ALDH1L2: variants seen among roughly 807,000 people sequenced by gnomAD.
ALDH1L2 encodes the protein aldehyde dehydrogenase 1 family member L2.
ALDH1L2 carries 91 observed loss-of-function variants against 111.0 expected under a neutral mutation model. The ratio of observed to expected loss-of-function variants is 0.82; its 90% CI spans 0.69 to 0.98. The LOEUF (loss-of-function observed/expected upper bound fraction) is 0.98, where lower values mean the gene tolerates loss of function less well. ALDH1L2 is among the 50% of genes least tolerant of loss of function. ALDH1L2 has a pLI of 0.00. For missense variants in ALDH1L2, 995 were observed against 1,126.8 expected, an observed-to-expected ratio of 0.88 and a Z score of 1.67; for synonymous variants, 374 against 392.6, an observed-to-expected ratio of 0.95 and a Z score of 0.56.
At chr12:105,034,272 AC>A in intron 19 of ALDH1L2, 27 bp downstream of exon 19, 1 of 1,607,470 alleles carries the variant, frequency 6.2e-7, no homozygotes, top group Non-Finnish European at 8.5e-7. Flanking sequence ...TCTCTAAACA[AC>A]TCAGAGTAAA....
chr12:105,055,258 G>A (rs961249056), intron 10 of ALDH1L2, among the ~76,000 whole-genome samples: 3 of 152,164 alleles, frequency 2.0e-5, no homozygotes, highest in African/African-American at 7.2e-5. Flanking sequence ...AATGCTGGGA[G>A]ACTTATTGGC....
chr12:105,032,017 G>A, intron 19 of ALDH1L2, 83 bp from the exon 20 acceptor site: 2 of 1,442,090 alleles, frequency 1.4e-6, no homozygotes, highest in Non-Finnish European at 1.9e-6. Flanking sequence ...TTATACTAAG[G>A]TGTTTATAGA....
At chr12:105,069,985 T>C (rs919440760) in intron 3 of ALDH1L2, among the ~76,000 whole-genome samples, 2 of 152,238 alleles carry the variant, frequency 1.3e-5, no homozygotes, top group Non-Finnish European at 2.9e-5. Context: ...TTTCAAGTAA[T>C]TCAGCATTTC....
chr12:105,062,935 G>A lies in ALDH1L2; in HGVS notation c.874C>T (p.Leu292Phe). The A allele has an allele frequency of 6.2e-7, 1 of 1,613,996 alleles. No homozygotes were observed. The highest frequency in any genetic ancestry group is 8.5e-7 in the Non-Finnish European group (1 of 1,179,960). ...LEIKGAKKPG[L>F]VTKNGLVLFG... ...AGAACAAGTCCATTTTTGGTAACGA[G>A]ACCAGGCTTCTTGGCACCTTTAATT... The change falls in exon 7 of 23, where the codon CTC (leucine) becomes TTC (phenylalanine). Residue 292 changes from leucine (L) to phenylalanine (F), a missense_variant. Physicochemically the swap from Leu to Phe is conservative, Grantham distance 22. Transcript: ENST00000258494.
At position 105,052,836 on chromosome 12, in the gene ALDH1L2, G is replaced by A; in HGVS notation, c.1383C>T (p.Asp461=). 6.2e-7 allele frequency: 1 copy of A among 1,614,136 alleles called. No homozygotes were observed. The highest frequency in any genetic ancestry group is 8.5e-7 in the Non-Finnish European group (1 of 1,179,996). The change falls in exon 11 of 23, where the codon GAC becomes GAT. Residue 461 remains aspartate, a synonymous_variant. Coordinates refer to ENST00000258494, the MANE Select transcript of ALDH1L2 (RefSeq NM_001034173.4). ...CAGATCCATCTGTTGGGTTGATAGT[G>A]TCGTAAGTCTTTCCATCGTCTGCAT... The part of the protein sequence containing the change: ...FTDADDGKTY[D]TINPTDGSTI...
In ALDH1L2 at chr12:105,078,233, G is replaced by A. The variant is rs547354005; in HGVS notation, c.49-4228C>T. ...AACTCAGGAGGTTTGGCTGGGTGCCGATCACCTGAGGTCAGGAGTTCAAGA... is the reference window on the plus strand; with the variant it reads ...AACTCAGGAGGTTTGGCTGGGTGCCAATCACCTGAGGTCAGGAGTTCAAGA... On this transcript the variant is annotated intron_variant, in intron 1 of 22. Coordinates refer to ENST00000258494, the MANE Select transcript of ALDH1L2 (RefSeq NM_001034173.4). Among the ~76,000 whole-genome samples the A allele has an allele frequency of 3.3e-5, 5 of 152,172 alleles. No homozygotes were observed. The South Asian group carries it at 6.2e-4, about 19-fold the overall frequency.
intron 1 of ALDH1L2, among the ~76,000 whole-genome samples, chr12:105,077,274 C>CT (rs201979000): frequency 0.023 from 3,289 of 142,410 alleles, 75 homozygotes; most frequent in East Asian, 0.055. Context: ...TTTCTTTTTT[C>CT]TTTTTTTTTT....
chr12:105,053,074 T>A, intron 10 of ALDH1L2, 143 bp from the exon 11 acceptor site: 1 of 1,047,380 alleles, frequency 9.5e-7, no homozygotes, highest in Non-Finnish European at 1.4e-6. Context: ...CATGCATATG[T>A]GAGATTTGGG....
chr12:105,059,277 AAT>A (rs1876838282), intron 9 of ALDH1L2, among the ~76,000 whole-genome samples: 1 of 11,196 alleles, frequency 8.9e-5, no homozygotes, highest in South Asian at 5.0e-3. Context: ...AAATAATAAT[AAT>A]AATAATAATA....
rs369503759 is a variant in ALDH1L2 at position 105,031,854 on chromosome 12, A to G, written c.2325T>C (p.His775=). ...TDHGPQNHKA[H]LEKLLQYCET... ...CACAGTATTGCAGCAGCTTTTCCAG[A>G]TGAGCCTTATGATTTTGGGGCCCAT... The change falls in exon 20 of 23, where the codon CAT becomes CAC. Residue 775 remains histidine, a synonymous_variant. Transcript: ENST00000258494. The G allele has an allele frequency of 1.7e-4, 274 of 1,614,010 alleles. No homozygotes were observed. Among genetic ancestry groups the G allele is most frequent in the Non-Finnish European group, 2.3e-4 (272 of 1,180,040 alleles).
chr12:105,061,267 C>T (rs775387497), intron 8 of ALDH1L2, among the ~76,000 whole-genome samples, 195 bp from the exon 9 acceptor site: 1 of 152,106 alleles, frequency 6.6e-6, no homozygotes, highest in Non-Finnish European at 1.5e-5. Flanking sequence ...TGCACCACCC[C>T]AGTCCTAGCC....
chr12:105,069,257 A>G (rs1877545261), intron 3 of ALDH1L2, among the ~76,000 whole-genome samples: 1 of 152,196 alleles, frequency 6.6e-6, no homozygotes, highest in African/African-American at 2.4e-5. Flanking sequence ...TTGACCCTGT[A>G]TTAGGCGGAA....
At chr12:105,038,278 AAACAC>A (rs1875296306) in intron 17 of ALDH1L2, 76 bp from the exon 18 acceptor site, 25 of 253,866 alleles carry the variant, frequency 9.8e-5, no homozygotes, top group East Asian at 3.3e-4. Context: ...ACACACACAC[AAACAC>A]ACACACACAC....
chr12:105,053,716 A>G (rs1325775531), intron 10 of ALDH1L2, among the ~76,000 whole-genome samples: 1 of 151,980 alleles, frequency 6.6e-6, no homozygotes, highest in Non-Finnish European at 1.5e-5. Context: ...AATGAAGGAA[A>G]TTTCATGGGA....
chr12:105,028,001 G>T (rs942137048), intron 21 of ALDH1L2, among the ~76,000 whole-genome samples: 1 of 152,164 alleles, frequency 6.6e-6, no homozygotes, highest in Non-Finnish European at 1.5e-5. Context: ...CAGTTGAGTC[G>T]AGTTCTAATG....
At position 105,024,472 on chromosome 12, in the gene ALDH1L2, T is replaced by C. The variant is rs1401015030; in HGVS notation, c.2724A>G (p.Glu908=). The C allele has an allele frequency of 1.2e-5, 20 of 1,613,854 alleles. No individual in the cohort carries two copies. The East Asian group carries it at 4.0e-4, about 32-fold the overall frequency. The part of the protein sequence containing the change: ...QSGFGKDLGE[E]ALNEYLKTKT... ...TGGTTTTGAGATATTCATTTAGAGCTTCCTCACCTAGGGAAGAGAAAAGCA... is the reference window on the plus strand; with the variant it reads ...TGGTTTTGAGATATTCATTTAGAGCCTCCTCACCTAGGGAAGAGAAAAGCA... Residue 908 remains glutamate, a synonymous_variant, in exon 23 of 23, where the codon GAA becomes GAG. Coordinates refer to ENST00000258494, the MANE Select transcript of ALDH1L2 (RefSeq NM_001034173.4).
At chr12:105,037,153 C>T (rs907010582) in intron 18 of ALDH1L2, among the ~76,000 whole-genome samples, 2 of 152,146 alleles carry the variant, frequency 1.3e-5, no homozygotes, top group African/African-American at 4.8e-5. Flanking sequence ...CAACCCCTGC[C>T]GAGCATTGAC....
At chr12:105,056,187 A>G (rs1050885009) in intron 10 of ALDH1L2, among the ~76,000 whole-genome samples, 1 of 152,136 alleles carries the variant, frequency 6.6e-6, no homozygotes, top group African/African-American at 2.4e-5. Context: ...TCATCATACA[A>G]AAGAGTCCTT....
chr12:105,074,129 C>T, intron 1 of ALDH1L2, 124 bp from the exon 2 acceptor site: 2 of 1,213,750 alleles, frequency 1.6e-6, no homozygotes, highest in East Asian at 2.4e-5. Flanking sequence ...CACCAAAAGC[C>T]CAGACTTCAC....
Sources: allele counts gnomAD v4.1 joint callset (sites outside exome capture counted in the v4.1 genomes callset), GRCh38; gene constraint gnomAD v4.1.1; transcripts MANE v1.5; gene names NCBI Gene and HGNC (gene_info 2026-07-23, HGNC 2026-07-21).